RASGRP2: variants seen among roughly 807,000 people sequenced by gnomAD.
RASGRP2 encodes the protein RAS guanyl releasing protein 2.
RASGRP2 carries 44 observed loss-of-function variants against 71.0 expected under a neutral mutation model. That is an observed-to-expected ratio of 0.62 (90% CI 0.49 to 0.80). The LOEUF (loss-of-function observed/expected upper bound fraction) is 0.80. RASGRP2 is among the 30% of genes least tolerant of loss of function. The pLI is 0.00. For synonymous variants in RASGRP2, 350 were observed against 330.7 expected (o/e 1.06, Z -0.63); for missense variants, 663 against 813.4 (o/e 0.82, Z 2.25).
At chr11:64,744,887 G>A (rs1592399538), upstream of RASGRP2, 1 of 87,234 alleles carries the variant, frequency 1.1e-5, no homozygotes, top group African/African-American at 4.3e-5. Flanking sequence ...CCGCCCCCGC[G>A]CCAGGCTGCC....
chr11:64,740,714 C>T (rs1052575337), intron 5 of RASGRP2: 2 of 668,582 alleles, frequency 3.0e-6, no homozygotes, highest in African/African-American at 1.8e-5. Context: ...GACGGGGAGC[C>T]GACCCAGCGC....
In RASGRP2 at chr11:64,739,938, C is replaced by A; in HGVS notation, c.522+75G>T. 1 of 1,610,416 alleles carries A rather than the reference C, an allele frequency of 6.2e-7. No individual in the cohort carries two copies. The highest frequency in any genetic ancestry group is 8.5e-7 in the Non-Finnish European group (1 of 1,177,886). ...GATGCACCCTGTGACCCAGCCTACG[C>A]CAGGGACCCTGCCCCTCCTAGAACT... On this transcript the variant is annotated intron_variant, in intron 6 of 16. Transcript: ENST00000394432. This position sits in a 1 kb window ranked among gnomAD's most constrained non-coding sequence, Gnocchi z 4.2.
intron 12 of RASGRP2, among the ~76,000 whole-genome samples, chr11:64,731,779 T>G (rs2057775538): frequency 6.6e-6 from 1 of 152,212 alleles, no homozygotes; most frequent in African/African-American, 2.4e-5. Flanking sequence ...TGAAGCTTTT[T>G]ATAGCATCCA....
intron 5 of RASGRP2, 27 bp downstream of exon 5, chr11:64,740,921 C>A (rs1417086903): frequency 6.2e-7 from 1 of 1,613,452 alleles, no homozygotes; most frequent in Non-Finnish European, 8.5e-7. Context: ...GAGTGCCCCC[C>A]CAGCCCTCTG....
chr11:64,743,581 C>A lies in RASGRP2; in HGVS notation c.-72+422G>T, dbSNP rs993552026. 1 of 364,944 alleles carries A rather than the reference C, an allele frequency of 2.7e-6. No individual in the cohort carries two copies. Among genetic ancestry groups the A allele is most frequent in the Non-Finnish European group, 5.3e-6 (1 of 189,452 alleles). The allele number at this position is 364,944 out of a possible 1,614,324, so 22.6% of individuals were successfully genotyped here. A position where few individuals can be genotyped will look rare whatever the true frequency, so the allele number is the denominator to read the frequency against. On this transcript the variant is annotated intron_variant, in intron 1 of 16. Coordinates refer to ENST00000394432, the MANE Select transcript of RASGRP2 (RefSeq NM_001098671.2). The surrounding 1 kb of genome is among the most constrained non-coding windows in gnomAD (Gnocchi z 4.9). Reference sequence around the variant, plus strand: ...AGGAGGCGTCAGCGGGAAGCCTGAGCCTGGGAACTGAGCGCTCCCAGGCCA... The same window carrying A: ...AGGAGGCGTCAGCGGGAAGCCTGAGACTGGGAACTGAGCGCTCCCAGGCCA...
In RASGRP2 at chr11:64,742,980, C is replaced by G; in HGVS notation, c.-71-43G>C. On this transcript the variant is annotated intron_variant, in intron 1 of 16. Coordinates refer to ENST00000394432, the MANE Select transcript of RASGRP2 (RefSeq NM_001098671.2). This position sits in a 1 kb window ranked among gnomAD's most constrained non-coding sequence, Gnocchi z 4.7. Reference sequence around the variant, plus strand: ...GAGCGGGAGTCTGCGGAGTCGCGGGCGGGGGAGCGGCCCCGCGGGCAGAAA... The same window carrying G: ...GAGCGGGAGTCTGCGGAGTCGCGGGGGGGGGAGCGGCCCCGCGGGCAGAAA... 6.6e-7 allele frequency: 1 copy of G among 1,505,868 alleles called. No homozygotes were observed. Among genetic ancestry groups the G allele is most frequent in the Non-Finnish European group, 8.8e-7 (1 of 1,131,806 alleles). 93.3% of individuals were successfully genotyped at this position (1,505,868 alleles called of 1,614,324 possible). A position where few individuals can be genotyped will look rare whatever the true frequency, so the allele number is the denominator to read the frequency against.
Position 64,744,034 on chromosome 11 carries a change from G to T in RASGRP2, c.-103C>A, listed in dbSNP as rs2058230259. The T allele has an allele frequency of 1.0e-6, 1 of 988,040 alleles. No homozygotes were observed. The highest frequency in any genetic ancestry group is 1.7e-5 in the African/African-American group (1 of 57,238). 61.2% of individuals were successfully genotyped at this position (988,040 alleles called of 1,614,324 possible). A position where few individuals can be genotyped will look rare whatever the true frequency, so the allele number is the denominator to read the frequency against. On this transcript the variant is annotated 5_prime_UTR_variant, in exon 1 of 17. Transcript: ENST00000394432. ...CGTCCACCCCAGAATGCAAACCCGCGGACGAGGTCGCCTCCTGGACGTGCT... is the reference window on the plus strand; with the variant it reads ...CGTCCACCCCAGAATGCAAACCCGCTGACGAGGTCGCCTCCTGGACGTGCT...
chr11:64,727,446 A>G (rs1295985421), intron 15 of RASGRP2, 86 bp from the exon 16 acceptor site: 1 of 1,267,562 alleles, frequency 7.9e-7, no homozygotes, highest in South Asian at 1.2e-5. Context: ...AGGCATCCAC[A>G]TCATCCCAGA....
In RASGRP2 at chr11:64,739,577, G is replaced by A. The variant is rs2058053882; in HGVS notation, c.696+59C>T. On this transcript the variant is annotated intron_variant, in intron 7 of 16. Coordinates refer to ENST00000394432, the MANE Select transcript of RASGRP2 (RefSeq NM_001098671.2). This position sits in a 1 kb window ranked among gnomAD's most constrained non-coding sequence, Gnocchi z 4.2. ...AAGGCAGTGGGTTAGGGGAAGGGAAGGGTTGGCCTGACTGGCATGTGGGGT... is the reference window on the plus strand; with the variant it reads ...AAGGCAGTGGGTTAGGGGAAGGGAAAGGTTGGCCTGACTGGCATGTGGGGT... The A allele has an allele frequency of 1.9e-6, 3 of 1,611,906 alleles. No homozygotes were observed. The highest frequency in any genetic ancestry group is 2.2e-5 in the East Asian group (1 of 44,890).
intron 12 of RASGRP2, 53 bp from the exon 13 acceptor site, chr11:64,730,247 C>T: frequency 6.5e-7 from 1 of 1,550,152 alleles, no homozygotes; most frequent in Non-Finnish European, 8.7e-7. Context: ...GAACCATCCA[C>T]CGCTGGCCTA....
In RASGRP2 at chr11:64,742,679, C is replaced by T. The variant is rs1397010509; in HGVS notation, c.73+115G>A. The T allele has an allele frequency of 9.4e-6, 13 of 1,382,106 alleles. No homozygotes were observed. Among genetic ancestry groups the T allele is most frequent in the Non-Finnish European group, 1.3e-5 (13 of 1,000,546 alleles). 85.6% of individuals were successfully genotyped at this position (1,382,106 alleles called of 1,614,324 possible). ...CTTTCGTTAAAGAGACTGCACGCTG[C>T]GGAGCAGGGTGGGTCCGGGTCAGGG... On this transcript the variant is annotated intron_variant, in intron 2 of 16. Coordinates refer to ENST00000394432, the MANE Select transcript of RASGRP2 (RefSeq NM_001098671.2). The surrounding 1 kb of genome is among the most constrained non-coding windows in gnomAD (Gnocchi z 4.7).
At chr11:64,734,308 T>C (rs1359632397) in intron 12 of RASGRP2, among the ~76,000 whole-genome samples, 1 of 151,290 alleles carries the variant, frequency 6.6e-6, no homozygotes, top group Non-Finnish European at 1.5e-5. Context: ...TGAGACTCTG[T>C]CTCAAAAATA....
chr11:64,736,957 C>T lies in RASGRP2; in HGVS notation c.891G>A (p.Val297=), dbSNP rs1358258863. The T allele has an allele frequency of 3.1e-6, 5 of 1,613,908 alleles. No homozygotes were observed. The highest frequency in any genetic ancestry group is 4.2e-6 in the Non-Finnish European group (5 of 1,180,034). ...GNYRRRLAAC[V]GFRFPILGVH... ...CACCCAGGATCGGGAAGCGGAAGCC[C>T]ACACAGGCTGCCAGCCGACGCCGGT... The change falls in exon 9 of 17, where the codon GTG becomes GTA. Residue 297 remains valine, a synonymous_variant. Transcript: ENST00000394432.
In RASGRP2 at chr11:64,739,236, C is replaced by T; in HGVS notation, c.813+124G>A. 1 of 786,134 alleles carries T rather than the reference C, an allele frequency of 1.3e-6. No individual in the cohort carries two copies. The highest frequency in any genetic ancestry group is 2.2e-6 in the Non-Finnish European group (1 of 452,718). The allele number at this position is 786,134 out of a possible 1,614,324, so 48.7% of individuals were successfully genotyped here. A position where few individuals can be genotyped will look rare whatever the true frequency, so the allele number is the denominator to read the frequency against. ...TGTGCAAACTGAGAAAAGCACTTAA[C>T]CCCTCTGAGCCTCCATTTCCATATC... On this transcript the variant is annotated intron_variant, in intron 8 of 16. Transcript: ENST00000394432. This position sits in a 1 kb window ranked among gnomAD's most constrained non-coding sequence, Gnocchi z 4.2.
Position 64,743,908 on chromosome 11 carries a change from G to A in RASGRP2, c.-72+95C>T. ...AGGCGTCCGCACTTACACGCACCGG[G>A]CCACAGGCACCGGCCTCCCATCCTC... is the stretch of plus-strand genomic sequence containing the variant. On this transcript the variant is annotated intron_variant, in intron 1 of 16. Transcript: ENST00000394432. The surrounding 1 kb of genome is among the most constrained non-coding windows in gnomAD (Gnocchi z 4.9). The A allele has an allele frequency of 2.2e-6, 2 of 894,938 alleles. No homozygotes were observed. Among genetic ancestry groups the A allele is most frequent in the Non-Finnish European group, 2.7e-6 (2 of 737,626 alleles). 55.4% of individuals were successfully genotyped at this position (894,938 alleles called of 1,614,324 possible).
chr11:64,731,753 G>C (rs2057775107), intron 12 of RASGRP2, among the ~76,000 whole-genome samples: 2 of 152,190 alleles, frequency 1.3e-5, no homozygotes, highest in Admixed American at 6.5e-5. Flanking sequence ...ATTTGCCAAT[G>C]AGACTGGCAA....
At chr11:64,727,387 C>T in intron 15 of RASGRP2, 27 bp from the exon 16 acceptor site, 2 of 1,612,462 alleles carry the variant, frequency 1.2e-6, no homozygotes, top group Non-Finnish European at 1.7e-6. Flanking sequence ...TGCTGCAGAA[C>T]ACACTTCCAG....
In RASGRP2 at chr11:64,739,920, C is replaced by G. The variant is rs2135782978; in HGVS notation, c.522+93G>C. 2.1e-5 allele frequency: 34 copies of G among 1,608,574 alleles called. No individual in the cohort carries two copies. The highest frequency in any genetic ancestry group is 2.9e-5 in the Non-Finnish European group (34 of 1,177,166). ...GGTTACACTGAAACCCCTGATGCAC[C>G]CTGTGACCCAGCCTACGCCAGGGAC... On this transcript the variant is annotated intron_variant, in intron 6 of 16. Coordinates refer to ENST00000394432, the MANE Select transcript of RASGRP2 (RefSeq NM_001098671.2). The surrounding 1 kb of genome is among the most constrained non-coding windows in gnomAD (Gnocchi z 4.2).
At chr11:64,727,228 C>T (rs1164658788) in intron 16 of RASGRP2, 68 bp downstream of exon 16, 1 of 1,446,976 alleles carries the variant, frequency 6.9e-7, no homozygotes, top group Non-Finnish European at 9.7e-7. Context: ...CACCCATTTC[C>T]CTGATACTCC....
Sources: gnomAD v4.1 joint callset for allele counts (sites outside exome capture counted in the v4.1 genomes callset) on GRCh38, gnomAD v4.1.1 for gene constraint, Gnocchi (gnomAD v3.1) non-coding constraint, MANE v1.5 for transcripts, NCBI Gene and HGNC (gene_info 2026-07-23, HGNC 2026-07-21) for gene names.